Variants in SPOP observed in about 807,000 individuals in gnomAD.
The protein encoded by SPOP is speckle type BTB/POZ protein, also known as speckle-type POZ protein.
A neutral mutation model predicts 45.6 loss-of-function variants in SPOP; 11 were observed. The observed-to-expected ratio is 0.24, with a 90% CI of 0.15 to 0.40. SPOP has a LOEUF of 0.40. Ranked by LOEUF, SPOP falls within the 10% of genes least tolerant of loss-of-function variation. SPOP has a pLI of 1.00. For synonymous variants in SPOP, 166 were observed against 166.3 expected (o/e 1.00, Z 0.01); for missense variants, 152 against 465.6 (o/e 0.33, Z 6.20).
rs114380769 is a variant in SPOP, at chr17:49,608,409, G to A, written c.659-480C>T. On this transcript the variant is annotated intron_variant, in intron 6 of 9. Coordinates refer to ENST00000504102, the MANE Select transcript of SPOP (RefSeq NM_001007228.2). ...CAGATGAAGCGCATGCTCACCTATG[G>A]CAAACTGTCTGTTTTTCTAAGCTAT... Among the ~76,000 whole-genome samples the A allele has an allele frequency of 1.9e-3, 294 of 152,272 alleles. 2 individuals are homozygous for A. The highest frequency in any genetic ancestry group is 6.6e-3 in the African/African-American group (276 of 41,566).
At chr17:49,639,916 T>C (rs975872863) in intron 1 of SPOP, among the ~76,000 whole-genome samples, 2 of 152,158 alleles carry the variant, frequency 1.3e-5, no homozygotes, top group Non-Finnish European at 2.9e-5. Context: ...CCTTACATTA[T>C]ACAGTCATGC....
chr17:49,644,799 G>A (rs1023934763), intron 1 of SPOP, among the ~76,000 whole-genome samples: 3 of 151,804 alleles, frequency 2.0e-5, no homozygotes, highest in African/African-American at 4.8e-5. Flanking sequence ...AATTAAACAC[G>A]TAAAGCAATA....
At chr17:49,658,601 C>T (rs2072946365) in intron 1 of SPOP, among the ~76,000 whole-genome samples, 1 of 152,220 alleles carries the variant, frequency 6.6e-6, no homozygotes, top group African/African-American at 2.4e-5. Context: ...CCATAGCTTT[C>T]ACTGAAGGGA....
At chr17:49,648,924 A>G (rs533905865) in intron 1 of SPOP, among the ~76,000 whole-genome samples, 2 of 151,984 alleles carry the variant, frequency 1.3e-5, no homozygotes, top group South Asian at 4.2e-4. Context: ...CGCCCGGCCA[A>G]TCTTTTGTAT....
At position 49,678,029 on chromosome 17, in the gene SPOP, T is replaced by G; in HGVS notation, c.-163A>C. 1 of 398,800 alleles carries G rather than the reference T, an allele frequency of 2.5e-6. No homozygotes were observed. The highest frequency in any genetic ancestry group is 4.4e-6 in the Non-Finnish European group (1 of 226,374). The allele number at this position is 398,800 out of a possible 1,614,324, so 24.7% of individuals were successfully genotyped here. A position where few individuals can be genotyped will look rare whatever the true frequency, so the allele number is the denominator to read the frequency against. Reference sequence around the variant, plus strand: ...ACCTGCGGGACCGCCGATACACAAATACACACACACTCGGAGCGCGCACAC... The same window carrying G: ...ACCTGCGGGACCGCCGATACACAAAGACACACACACTCGGAGCGCGCACAC... On this transcript the variant is annotated 5_prime_UTR_variant, in exon 1 of 10. Transcript: ENST00000504102.
intron 1 of SPOP, among the ~76,000 whole-genome samples, chr17:49,646,943 A>G (rs1185559474): frequency 6.6e-6 from 1 of 152,122 alleles, no homozygotes; most frequent in Admixed American, 6.6e-5. Context: ...AGATACTTAT[A>G]TTCTCTAGCT....
At chr17:49,674,154 A>C (rs1268640660) in intron 1 of SPOP, among the ~76,000 whole-genome samples, 2 of 152,186 alleles carry the variant, frequency 1.3e-5, no homozygotes, top group Non-Finnish European at 2.9e-5. Flanking sequence ...TCTCAAAAAA[A>C]AATAAATAAA....
chr17:49,653,302 G>C (rs965269276), intron 1 of SPOP, among the ~76,000 whole-genome samples: 2 of 151,910 alleles, frequency 1.3e-5, no homozygotes, highest in Non-Finnish European at 2.9e-5. Flanking sequence ...TGAAAAGTAA[G>C]TTTCCTTCTA....
chr17:49,643,845 G>A (rs758129601), intron 1 of SPOP, among the ~76,000 whole-genome samples: 4 of 151,314 alleles, frequency 2.6e-5, no homozygotes, highest in African/African-American at 7.3e-5. Flanking sequence ...AAGGAGAATC[G>A]CTTGAACCCA....
In SPOP at chr17:49,672,899, A is replaced by T. The variant is rs540357802; in HGVS notation, c.-67+5034T>A. On this transcript the variant is annotated intron_variant, in intron 1 of 9. Coordinates refer to ENST00000504102, the MANE Select transcript of SPOP (RefSeq NM_001007228.2). ...GACGCAAAGGTTGCAGTGAGCCAAG[A>T]TCATGCCACTGCACTCCAGCCTAGG... is the stretch of plus-strand genomic sequence containing the variant. Among the ~76,000 whole-genome samples the T allele has an allele frequency of 5.3e-5, 8 of 152,276 alleles. No individual in the cohort carries two copies. The East Asian group carries it at 1.5e-3, about 29-fold the overall frequency.
rs202009344 is a variant in SPOP at position 49,607,244 on chromosome 17, T to C, written c.837+6A>G. 7.4e-6 allele frequency: 12 copies of C among 1,614,088 alleles called. No homozygotes were observed. Among genetic ancestry groups the C allele is most frequent in the South Asian group, 2.2e-5 (2 of 91,082 alleles). On this transcript the variant is annotated splice_donor_region_variant and intron_variant, in intron 8 of 9. Coordinates refer to ENST00000504102, the MANE Select transcript of SPOP (RefSeq NM_001007228.2). The stretch of plus-strand genomic sequence containing the variant: ...AGTCCTGATTATTTTTCTATTCTTA[T>C]CTTACCTTGTCAGCAGCTGCCAGCA...
At chr17:49,640,260 A>T (rs929470974) in intron 1 of SPOP, among the ~76,000 whole-genome samples, 3 of 152,124 alleles carry the variant, frequency 2.0e-5, no homozygotes, top group African/African-American at 2.4e-5. Context: ...CTCAAAAAAA[A>T]AAAAAGTTCA....
intron 1 of SPOP, among the ~76,000 whole-genome samples, chr17:49,659,170 T>C (rs1260648301): frequency 1.3e-5 from 2 of 152,188 alleles, no homozygotes; most frequent in African/African-American, 2.4e-5. Flanking sequence ...GCTATTTTCA[T>C]AAATGTTGCT....
intron 1 of SPOP, among the ~76,000 whole-genome samples, chr17:49,667,533 G>A (rs111489290): frequency 0.028 from 4,285 of 152,204 alleles, 202 homozygotes; most frequent in African/African-American, 0.097. Flanking sequence ...AGGCTGTAGT[G>A]CACCAAGATC....
At position 49,639,309 on chromosome 17, in the gene SPOP, A is replaced by G. The variant is rs927866161; in HGVS notation, c.-66-16433T>C. On this transcript the variant is annotated intron_variant, in intron 1 of 9. Coordinates refer to ENST00000504102, the MANE Select transcript of SPOP (RefSeq NM_001007228.2). ...GTAAGGGCTGAACAGGGAGACTATC[A>G]TACTGTTGGTAGGAGAACAAACTGG... 9.2e-5 allele frequency among the ~76,000 whole-genome samples: 14 copies of G among 152,266 alleles called. No individual in the cohort carries two copies. The East Asian group carries it at 1.5e-3, about 17-fold the overall frequency.
chr17:49,622,073 G>A lies in SPOP; in HGVS notation c.79-6C>T, dbSNP rs573422741. 6.2e-7 allele frequency: 1 copy of A among 1,612,116 alleles called. No individual in the cohort carries two copies. The highest frequency in any genetic ancestry group is 1.3e-5 in the African/African-American group (1 of 74,938). On this transcript the variant is annotated splice_region_variant and splice_polypyrimidine_tract_variant and intron_variant, in intron 2 of 9. Coordinates refer to ENST00000504102, the MANE Select transcript of SPOP (RefSeq NM_001007228.2). Reference sequence around the variant, plus strand: ...GAGAATTTCACTACCTTGATCTGTTGATAGAAAAACAGGAAGCAATTAAAT... The same window carrying A: ...GAGAATTTCACTACCTTGATCTGTTAATAGAAAAACAGGAAGCAATTAAAT...
At chr17:49,657,141 CGCCG>C (rs2072923855) in intron 1 of SPOP, among the ~76,000 whole-genome samples, 1 of 149,558 alleles carries the variant, frequency 6.7e-6, no homozygotes, top group African/African-American at 2.5e-5. Context: ...GCCGAGATTG[CGCCG>C]AGATTGCGCC....
intron 1 of SPOP, among the ~76,000 whole-genome samples, chr17:49,665,649 G>GAC (rs71352530): frequency 0.21 from 27,059 of 126,350 alleles, 3,523 homozygotes; most frequent in Middle Eastern, 0.35. Context: ...TATATATACA[G>GAC]ACACACACAC....
At chr17:49,676,118 C>G (rs576161513) in intron 1 of SPOP, 1 of 152,248 alleles carries the variant, frequency 6.6e-6, no homozygotes, top group East Asian at 1.9e-4. Context: ...CTAGATACTA[C>G]CTAAGTAATA....
Sources: gnomAD v4.1 joint callset for allele counts (sites outside exome capture counted in the v4.1 genomes callset) on GRCh38, gnomAD v4.1.1 for gene constraint, MANE v1.5 for transcripts, NCBI Gene and HGNC (gene_info 2026-07-23, HGNC 2026-07-21) for gene names.